PITPNC1: variants seen among roughly 807,000 people sequenced by gnomAD.
PITPNC1 encodes the protein phosphatidylinositol transfer protein cytoplasmic 1, also known as cytoplasmic phosphatidylinositol transfer protein 1.
Under a neutral mutation model 44.7 loss-of-function variants are expected in PITPNC1, and 18 were observed. The ratio of observed to expected loss-of-function variants is 0.40; its 90% CI spans 0.28 to 0.60. The LOEUF is 0.60. Among genes scored for constraint, PITPNC1 ranks in the 20% least tolerant of loss-of-function variants. PITPNC1 has a pLI of 0.39. For missense variants in PITPNC1, 290 were observed against 418.4 expected (o/e 0.69, Z 2.68); for synonymous variants, 141 against 149.6 (o/e 0.94, Z 0.42).
At chr17:67,410,381 TG>T (rs1433366873) in intron 1 of PITPNC1, among the ~76,000 whole-genome samples, 1 of 152,086 alleles carries the variant, frequency 6.6e-6, no homozygotes, top group Non-Finnish European at 1.5e-5. Context: ...GTTGAGGTAG[TG>T]GTTTGTTTGT....
intron 1 of PITPNC1, among the ~76,000 whole-genome samples, chr17:67,401,642 A>G (rs1469385483): frequency 6.6e-6 from 1 of 152,026 alleles, no homozygotes; most frequent in Non-Finnish European, 1.5e-5. Context: ...TCAGGAGTTC[A>G]AGACCAGCCT....
intron 6 of PITPNC1, among the ~76,000 whole-genome samples, chr17:67,659,895 T>G (rs1428832842): frequency 6.6e-6 from 1 of 152,186 alleles, no homozygotes; most frequent in East Asian, 1.9e-4. Context: ...TTTGTTTTTT[T>G]TAGAGACAGA....
rs1441523070 is a variant in PITPNC1 at position 67,474,822 on chromosome 17, T to A, written c.49-57980T>A. On this transcript the variant is annotated intron_variant, in intron 1 of 8. Coordinates refer to ENST00000581322, the MANE Select transcript of PITPNC1 (RefSeq NM_012417.4). ...GGTGCACACCACCATGCCCGGCGGCTTTTTTTTTTTTCTTGAAGAGGGGGA... is the reference window on the plus strand; with the variant it reads ...GGTGCACACCACCATGCCCGGCGGCATTTTTTTTTTTCTTGAAGAGGGGGA... Among the ~76,000 whole-genome samples the A allele has an allele frequency of 1.4e-3, 209 of 147,714 alleles. 2 individuals carry two copies. The highest frequency in any genetic ancestry group is 0.01 in the East Asian group (51 of 5,080).
chr17:67,490,432 G>C (rs1413348608), intron 1 of PITPNC1, among the ~76,000 whole-genome samples: 6 of 151,874 alleles, frequency 4.0e-5, no homozygotes, highest in Non-Finnish European at 5.9e-5. Flanking sequence ...TGAAATTAAT[G>C]ATTTTTTTAA....
At chr17:67,461,211 G>C (rs1254767451) in intron 1 of PITPNC1, among the ~76,000 whole-genome samples, 1 of 152,184 alleles carries the variant, frequency 6.6e-6, no homozygotes, top group Non-Finnish European at 1.5e-5. Flanking sequence ...GAAAAGACCA[G>C]ATTCCACTGG....
At chr17:67,480,593 G>A (rs916318993) in intron 1 of PITPNC1, among the ~76,000 whole-genome samples, 1 of 152,100 alleles carries the variant, frequency 6.6e-6, no homozygotes, top group Non-Finnish European at 1.5e-5. Context: ...TATTAAGTGA[G>A]AGAGTCTATA....
At chr17:67,609,111 C>T (rs2041653750) in intron 5 of PITPNC1, among the ~76,000 whole-genome samples, 1 of 151,970 alleles carries the variant, frequency 6.6e-6, no homozygotes, top group Admixed American at 6.6e-5. Flanking sequence ...ATCCTCCTGC[C>T]TCAGCCTCCC....
rs887526296 is a variant in PITPNC1, at chr17:67,561,052, T to C, written c.294+7435T>C. Among the ~76,000 whole-genome samples, 4 of 152,226 alleles carry C rather than the reference T, an allele frequency of 2.6e-5. No individual in the cohort carries two copies. The East Asian group carries it at 7.7e-4, about 29-fold the overall frequency. ...TCTGTGGAGTTGTGTTCAGCTCAGT[T>C]GTTGAGATCTGCAGAATACAACTGG... is the stretch of plus-strand genomic sequence containing the variant. On this transcript the variant is annotated intron_variant, in intron 4 of 8. Transcript: ENST00000581322.
At chr17:67,647,463 GGTT>G (rs1567757496) in intron 6 of PITPNC1, among the ~76,000 whole-genome samples, 1 of 90,614 alleles carries the variant, frequency 1.1e-5, no homozygotes, top group African/African-American at 5.0e-5. Context: ...GCTAATTTTG[GGTT>G]TTTTTTTTTT....
intron 5 of PITPNC1, among the ~76,000 whole-genome samples, chr17:67,595,454 T>TG (rs1475575207): frequency 3.3e-4 from 48 of 147,100 alleles, no homozygotes; most frequent in African/African-American, 1.1e-3. Context: ...GTATTTTAGT[T>TG]TTTTTTTTTT....
At chr17:67,517,790 T>A (rs1436914539) in intron 1 of PITPNC1, among the ~76,000 whole-genome samples, 1 of 152,040 alleles carries the variant, frequency 6.6e-6, no homozygotes, top group Non-Finnish European at 1.5e-5. Flanking sequence ...GGGTATGGAG[T>A]TTCTTTTGGA....
intron 2 of PITPNC1, among the ~76,000 whole-genome samples, chr17:67,539,446 C>T (rs1415306280): frequency 6.6e-6 from 1 of 152,336 alleles, no homozygotes; most frequent in African/African-American, 2.4e-5. Flanking sequence ...ATGGCACATT[C>T]ACGTAATGGA....
chr17:67,606,744 C>T (rs1598879044), intron 5 of PITPNC1, among the ~76,000 whole-genome samples: 1 of 151,150 alleles, frequency 6.6e-6, no homozygotes. Flanking sequence ...ATTTTAGGCT[C>T]AGGGCCAGAA....
At chr17:67,571,358 G>A (rs920067610) in intron 4 of PITPNC1, among the ~76,000 whole-genome samples, 3 of 152,358 alleles carry the variant, frequency 2.0e-5, no homozygotes, top group African/African-American at 4.8e-5. Flanking sequence ...CTTAAGCCCA[G>A]GAGGTCAAGG....
At chr17:67,534,607 C>A (rs796843752) in intron 2 of PITPNC1, among the ~76,000 whole-genome samples, 62 of 151,328 alleles carry the variant, frequency 4.1e-4, no homozygotes, top group African/African-American at 1.5e-3. Context: ...CCACTGTACT[C>A]CAGCTTGGGT....
At position 67,669,695 on chromosome 17, in the gene PITPNC1, G is replaced by C. The variant is rs374301213; in HGVS notation, c.618+32G>C. The C allele has an allele frequency of 2.0e-6, 3 of 1,524,706 alleles. No homozygotes were observed. The East Asian group carries it at 7.1e-5, about 36-fold the overall frequency. 94.4% of individuals were successfully genotyped at this position (1,524,706 alleles called of 1,614,324 possible). A position where few individuals can be genotyped will look rare whatever the true frequency, so the allele number is the denominator to read the frequency against. ...GGTCCAACAGCAGTTCCTGGGCTGT[G>C]GACAAGGTAACTGTCTATATTGCCA... On this transcript the variant is annotated intron_variant, in intron 7 of 8. Coordinates refer to ENST00000581322, the MANE Select transcript of PITPNC1 (RefSeq NM_012417.4).
At chr17:67,546,889 C>T (rs1230811969) in intron 2 of PITPNC1, among the ~76,000 whole-genome samples, 3 of 152,172 alleles carry the variant, frequency 2.0e-5, no homozygotes, top group African/African-American at 7.2e-5. Flanking sequence ...AAAGACCAGC[C>T]AGAACAATCA....
intron 5 of PITPNC1, among the ~76,000 whole-genome samples, chr17:67,605,441 C>T (rs1363128409): frequency 2.0e-5 from 3 of 152,218 alleles, no homozygotes; most frequent in Non-Finnish European, 4.4e-5. Context: ...ACAGAGCTTG[C>T]TCCGGCCTGT....
intron 1 of PITPNC1, among the ~76,000 whole-genome samples, chr17:67,464,314 T>C (rs2143982420): frequency 6.6e-6 from 1 of 152,346 alleles, no homozygotes; most frequent in East Asian, 1.9e-4. Context: ...CTAAGTGAGA[T>C]GTAAGATCTT....
Sources: allele counts gnomAD v4.1 joint callset (sites outside exome capture counted in the v4.1 genomes callset), GRCh38; gene constraint gnomAD v4.1.1; transcripts MANE v1.5; gene names NCBI Gene and HGNC (gene_info 2026-07-23, HGNC 2026-07-21).